The following CEP162 variants were observed in gnomAD, a reference collection of about 807,000 sequenced individuals.
The protein encoded by CEP162 is centrosomal protein of 162 kDa.
A neutral mutation model predicts 169.2 loss-of-function variants in CEP162; 141 were observed. The ratio of observed to expected loss-of-function variants is 0.83; its 90% CI spans 0.73 to 0.96. The LOEUF (loss-of-function observed/expected upper bound fraction) is 0.96. Among genes scored for constraint, CEP162 ranks in the 40% least tolerant of loss-of-function variants. CEP162 has a pLI of 0.00. For synonymous variants in CEP162, 540 were observed against 526.4 expected (o/e 1.03, Z -0.35); for missense variants, 1,600 against 1,587.2 (o/e 1.01, Z -0.14).
In CEP162 at chr6:84,153,069, C is replaced by T. The variant is rs2129202864; in HGVS notation, c.3105G>A (p.Lys1035=). ...KALEKELDDI[K]EAHQITVRNL... ...TTCTTACAGTGATCTGATGGGCTTCCTTGATGTCATCAAGTTCCTTCTCTA... is the reference window on the plus strand; with the variant it reads ...TTCTTACAGTGATCTGATGGGCTTCTTTGATGTCATCAAGTTCCTTCTCTA... Residue 1035 remains lysine (K), a synonymous_variant, in exon 23 of 27, where the codon AAG becomes AAA. Coordinates refer to ENST00000403245, the MANE Select transcript of CEP162 (RefSeq NM_014895.4). 1.2e-6 allele frequency: 2 copies of T among 1,613,306 alleles called. No homozygotes were observed. The highest frequency in any genetic ancestry group is 2.2e-5 in the East Asian group (1 of 44,830).
chr6:84,181,885 G>A (rs1417264074), intron 13 of CEP162, among the ~76,000 whole-genome samples: 3 of 152,014 alleles, frequency 2.0e-5, no homozygotes, highest in African/African-American at 7.2e-5. Flanking sequence ...GGAAGGAATC[G>A]ATTGGTAATG....
chr6:84,194,334 G>A (rs1359605766), intron 10 of CEP162, among the ~76,000 whole-genome samples: 14 of 140,292 alleles, frequency 1.0e-4, no homozygotes, highest in Non-Finnish European at 2.1e-4. Context: ...CAGCCTGGGC[G>A]ACAGAGCAAG....
chr6:84,195,546 T>C (rs1384431214), intron 9 of CEP162, among the ~76,000 whole-genome samples: 2 of 152,250 alleles, frequency 1.3e-5, no homozygotes, highest in African/African-American at 4.8e-5. Flanking sequence ...TCAAAAGCAA[T>C]TTCCTAATGA....
rs2099551429 is a variant in CEP162, at chr6:84,216,051, TA to T, written c.173-130del. 9 of 1,150,624 alleles carry T rather than the reference TA, an allele frequency of 7.8e-6. No homozygotes were observed. The South Asian group carries it at 1.6e-4, about 21-fold the overall frequency. The allele number at this position is 1,150,624 out of a possible 1,614,324, so 71.3% of individuals were successfully genotyped here. A position where few individuals can be genotyped will look rare whatever the true frequency, so the allele number is the denominator to read the frequency against. On this transcript the variant is annotated intron_variant, in intron 3 of 26. Transcript: ENST00000403245. Reference sequence around the variant, plus strand: ...TATAAAATAAATCTGCTCTATTAAATAAAAATCCATCAGACCTAACACTCAC... The same window carrying T: ...TATAAAATAAATCTGCTCTATTAAATAAAATCCATCAGACCTAACACTCAC...
intron 13 of CEP162, among the ~76,000 whole-genome samples, chr6:84,184,495 G>C (rs2099536263): frequency 6.6e-6 from 1 of 152,120 alleles, no homozygotes; most frequent in Admixed American, 6.5e-5. Flanking sequence ...TAAACCCAAA[G>C]AGCAGTTCTC....
At chr6:84,192,226 T>C (rs1303947908) in intron 11 of CEP162, among the ~76,000 whole-genome samples, 1 of 152,238 alleles carries the variant, frequency 6.6e-6, no homozygotes, top group Non-Finnish European at 1.5e-5. Context: ...TTTTTAGGTA[T>C]GTGTACTAAA....
rs778495139 is a variant in CEP162 at position 84,213,035 on chromosome 6, T to G, written c.504-11A>C. On this transcript the variant is annotated splice_polypyrimidine_tract_variant and intron_variant, in intron 5 of 26. Coordinates refer to ENST00000403245, the MANE Select transcript of CEP162 (RefSeq NM_014895.4). ...GCGTTGGCTTGATTACTGGAAAAAA[T>G]ATTTATTTAATTTAGCATTACATGT... 2.7e-6 allele frequency: 4 copies of G among 1,495,472 alleles called. No homozygotes were observed. Among genetic ancestry groups the G allele is most frequent in the South Asian group, 2.5e-5 (2 of 79,998 alleles). 92.6% of individuals were successfully genotyped at this position (1,495,472 alleles called of 1,614,324 possible).
In CEP162 at chr6:84,174,922, C is replaced by A. The variant is rs1250196481; in HGVS notation, c.1830G>T (p.Glu610Asp). The change falls in exon 15 of 27, where the codon GAG becomes GAT. Residue 610 changes from glutamate (E) to aspartate (D), a missense_variant. Glu to Asp is a conservative substitution (Grantham distance 45, BLOSUM62 2). Transcript: ENST00000403245. ...CTCTTTTAAACATAAGTAATTTCTT[C>A]TCCTTGTTCTCACCACAGTATCCTA... ...DSLGYCGENK[E>D]KKLLMFKRVQ... 1.3e-6 allele frequency: 2 copies of A among 1,590,260 alleles called. No individual in the cohort carries two copies. The highest frequency in any genetic ancestry group is 2.7e-5 in the African/African-American group (2 of 74,378).
rs1287074657 is a variant in CEP162, at chr6:84,201,848, C to G, written c.688-81G>C. On this transcript the variant is annotated intron_variant, in intron 7 of 26. Transcript: ENST00000403245. ...ACCACAATGCAAATAATAGCAAAAT[C>G]TGAAATCCAGGGCTTTTTATTCCAC... 5.9e-5 allele frequency: 42 copies of G among 714,812 alleles called. 1 individual carries two copies. In the East Asian group the frequency reaches 1.2e-3, roughly 21 times the overall value. 44.3% of individuals were successfully genotyped at this position (714,812 alleles called of 1,614,324 possible). A position where few individuals can be genotyped will look rare whatever the true frequency, so the allele number is the denominator to read the frequency against.
chr6:84,165,034 T>C (rs1017042247), intron 18 of CEP162, among the ~76,000 whole-genome samples: 5 of 151,848 alleles, frequency 3.3e-5, no homozygotes, highest in Admixed American at 6.6e-5. Context: ...CTCCTTGCTG[T>C]GTTTTGAACA....
At chr6:84,180,823 A>C (rs1208280359) in intron 13 of CEP162, among the ~76,000 whole-genome samples, 8 of 152,240 alleles carry the variant, frequency 5.3e-5, no homozygotes, top group South Asian at 2.1e-4. Context: ...GAACTACAAA[A>C]CACTGCTCAA....
At chr6:84,196,932 T>A (rs145256912) in intron 9 of CEP162, among the ~76,000 whole-genome samples, 1 of 152,160 alleles carries the variant, frequency 6.6e-6, no homozygotes, top group Admixed American at 6.5e-5. Flanking sequence ...CTGTCAACAG[T>A]TGAAGGGCAG....
intron 25 of CEP162, among the ~76,000 whole-genome samples, chr6:84,140,824 C>T (rs1213584211): frequency 1.3e-5 from 2 of 152,268 alleles, no homozygotes; most frequent in Non-Finnish European, 2.9e-5. Context: ...CTTTGCCTGG[C>T]TGACTTGTTT....
chr6:84,141,533 T>C (rs1588713431), intron 25 of CEP162, among the ~76,000 whole-genome samples: 3 of 152,266 alleles, frequency 2.0e-5, no homozygotes, highest in Admixed American at 2.0e-4. Flanking sequence ...TTCCTCAAAA[T>C]CCAGTCTCAA....
intron 13 of CEP162, among the ~76,000 whole-genome samples, chr6:84,183,126 A>C (rs531265928): frequency 6.6e-6 from 1 of 152,322 alleles, no homozygotes; most frequent in South Asian, 2.1e-4. Flanking sequence ...GTCCATCATT[A>C]TACTTTACTA....
At chr6:84,208,245 T>C (rs962817541) in intron 6 of CEP162, among the ~76,000 whole-genome samples, 5 of 152,206 alleles carry the variant, frequency 3.3e-5, no homozygotes, top group Admixed American at 2.0e-4. Context: ...AGTCTACTTA[T>C]GGGGAAGGTT....
chr6:84,159,640 T>C (rs978211581), intron 21 of CEP162, among the ~76,000 whole-genome samples: 8 of 137,658 alleles, frequency 5.8e-5, no homozygotes, highest in African/African-American at 1.9e-4. Context: ...TCTTGGCTCA[T>C]TCCAACTTCT....
At chr6:84,208,398 T>A (rs1355453897) in intron 6 of CEP162, among the ~76,000 whole-genome samples, 1 of 152,174 alleles carries the variant, frequency 6.6e-6, no homozygotes, top group African/African-American at 2.4e-5. Context: ...AATTTGTATT[T>A]CAAAAAACTG....
intron 25 of CEP162, among the ~76,000 whole-genome samples, chr6:84,129,331 C>T (rs996932307): frequency 3.9e-5 from 6 of 152,198 alleles, no homozygotes; most frequent in African/African-American, 1.4e-4. Flanking sequence ...ATTCCTATTT[C>T]TCCGCATCCT....
Sources: gnomAD v4.1 joint callset for allele counts (sites outside exome capture counted in the v4.1 genomes callset) on GRCh38, gnomAD v4.1.1 for gene constraint, MANE v1.5 for transcripts, NCBI Gene and HGNC (gene_info 2026-07-23, HGNC 2026-07-21) for gene names.